CHD2: variants seen among roughly 807,000 people sequenced by gnomAD.
CHD2 encodes the protein chromodomain helicase DNA binding protein 2, also known as ATP-dependent chromatin remodeler CHD2.
CHD2 carries 28 observed loss-of-function variants against 243.9 expected under a neutral mutation model. That is an observed-to-expected ratio of 0.11 (90% CI 0.09 to 0.16). The LOEUF (loss-of-function observed/expected upper bound fraction) is 0.16, where lower values mean the gene tolerates loss of function less well. Ranked by LOEUF, CHD2 falls within the 10% of genes least tolerant of loss-of-function variation. The pLI is 1.00. For synonymous variants in CHD2, 775 were observed against 779.0 expected, an observed-to-expected ratio of 0.99 and a Z score of 0.09; for missense variants, 1,386 against 2,209.8, an observed-to-expected ratio of 0.63 and a Z score of 7.47.
intron 26 of CHD2, among the ~76,000 whole-genome samples, chr15:92,988,309 T>C (rs1355782908): frequency 6.6e-6 from 1 of 152,158 alleles, no homozygotes; most frequent in African/African-American, 2.4e-5. Flanking sequence ...GGTCTTGAAC[T>C]TCTGACCTCA....
At position 93,024,463 on chromosome 15, in the gene CHD2, C is replaced by T. The variant is rs772907727; in HGVS notation, c.5245C>T (p.Pro1749Ser). The T allele has an allele frequency of 5.6e-6, 9 of 1,614,060 alleles. No individual in the cohort carries two copies. Among genetic ancestry groups the T allele is most frequent in the Non-Finnish European group, 7.6e-6 (9 of 1,180,038 alleles). ...QDFRRMSDHR[P>S]AMGYHGQGPS... ...TTTCCGACGAATGTCTGATCACCGC[C>T]CCGCTATGGGCTACCATGGCCAGGG... The change falls in exon 39 of 39, where the codon CCC (proline) becomes TCC (serine). Residue 1749 changes from proline to serine, a missense_variant. Physicochemically the swap from Pro to Ser is moderately conservative, Grantham distance 74 (BLOSUM62 -1). Coordinates refer to ENST00000394196, the MANE Select transcript of CHD2 (RefSeq NM_001271.4).
chr15:92,981,883 A>T (rs899633561), intron 24 of CHD2, among the ~76,000 whole-genome samples: 6 of 152,196 alleles, frequency 3.9e-5, no homozygotes. Context: ...AAGTGAGAGA[A>T]AGAGGTGTCA....
At chr15:92,992,529 G>A (rs927105011) in intron 27 of CHD2, among the ~76,000 whole-genome samples, 2 of 152,148 alleles carry the variant, frequency 1.3e-5, no homozygotes, top group African/African-American at 2.4e-5. Flanking sequence ...AAGCTAGTAC[G>A]GATGGTGTTC....
At position 93,015,081 on chromosome 15, in the gene CHD2, T is replaced by C. The variant is rs533426396; in HGVS notation, c.4906+172T>C. Among the ~76,000 whole-genome samples, 7 of 152,296 alleles carry C rather than the reference T, an allele frequency of 4.6e-5. No individual in the cohort carries two copies. In the South Asian group the frequency reaches 1.2e-3, roughly 27 times the overall value. ...GCATGAAATAAAGATCCCCCAATTT[T>C]TTTTTTTGTTTGTTTGAGACTGAGT... On this transcript the variant is annotated intron_variant, in intron 37 of 38. Transcript: ENST00000394196.
At chr15:92,964,558 G>A (rs1596413121) in intron 16 of CHD2, among the ~76,000 whole-genome samples, 2 of 152,200 alleles carry the variant, frequency 1.3e-5, no homozygotes, top group Non-Finnish European at 2.9e-5. Flanking sequence ...ACAGGCTATT[G>A]TTTCAAAATC....
chr15:93,014,863 A>G lies in CHD2; in HGVS notation c.4860A>G (p.Pro1620=). The G allele has an allele frequency of 6.2e-7, 1 of 1,614,154 alleles. No individual in the cohort carries two copies. Among genetic ancestry groups the G allele is most frequent in the Non-Finnish European group, 8.5e-7 (1 of 1,180,028 alleles). ...ATGGCCCACAGATGCATGGACACCC[A>G]AGAGATAACTACAATCACCCCAACA... ...ASHGPQMHGH[P]RDNYNHPNKR... The change falls in exon 37 of 39, where the codon CCA becomes CCG. Residue 1620 remains proline (P), a synonymous_variant. Coordinates refer to ENST00000394196, the MANE Select transcript of CHD2 (RefSeq NM_001271.4).
Position 92,901,290 on chromosome 15 carries a change from A to G in CHD2, c.53A>G (p.Asn18Ser), listed in dbSNP as rs1034044226. The change falls in exon 2 of 39, where the codon AAT (asparagine) becomes AGT (serine). Residue 18 changes from asparagine to serine, a missense_variant. Around this residue, in one of 19 missense-constraint regions of CHD2, gnomAD observed 89 missense variants for 102.4 expected, o/e 0.87. Coordinates refer to ENST00000394196, the MANE Select transcript of CHD2 (RefSeq NM_001271.4). Reference sequence around the variant, plus strand: ...GAGGAGGACAGTTCGCTACACAGCAATGCATCGAGGTATGAGCTATCAACT... The same window carrying G: ...GAGGAGGACAGTTCGCTACACAGCAGTGCATCGAGGTATGAGCTATCAACT... ...SQEEDSSLHS[N>S]ASSHSASEEA... 4.4e-6 allele frequency: 7 copies of G among 1,603,680 alleles called. No homozygotes were observed. Among genetic ancestry groups the G allele is most frequent in the South Asian group, 2.2e-5 (2 of 90,676 alleles).
Position 92,955,480 on chromosome 15 carries a change from A to G in CHD2, c.1777A>G (p.Ile593Val), listed in dbSNP as rs1488191636. The change falls in exon 15 of 39, where the codon ATA becomes GTA. Residue 593 changes from isoleucine to valine, a missense_variant. Physicochemically the swap from Ile to Val is conservative, Grantham distance 29 (BLOSUM62 3). Around this residue, in one of 19 missense-constraint regions of CHD2, gnomAD observed 63 missense variants for 108.8 expected, o/e 0.58. Coordinates refer to ENST00000394196, the MANE Select transcript of CHD2 (RefSeq NM_001271.4). ...QTKRLKFNAL[I>V]TTYEILLKDK... ...CAAAAGATTGAAGTTCAACGCACTT[A>G]TAACAACATATGAGATCCTCTTGAA... 6.3e-7 allele frequency: 1 copy of G among 1,598,456 alleles called. No homozygotes were observed. The highest frequency in any genetic ancestry group is 1.1e-5 in the South Asian group (1 of 87,844).
intron 2 of CHD2, among the ~76,000 whole-genome samples, chr15:92,902,983 T>C (rs2052551597): frequency 1.3e-5 from 2 of 152,314 alleles, no homozygotes; most frequent in Admixed American, 6.5e-5. Flanking sequence ...TGCTTACTGG[T>C]AGTGGAGGTT....
rs1035745118 is a variant in CHD2, at chr15:92,900,422, G to C, written c.-474G>C. ...CTTTACGCAACTTTCCCTAACTTTCGGGCAGCCTCAGGGGGCCCCCGTAGC... is the reference window on the plus strand; with the variant it reads ...CTTTACGCAACTTTCCCTAACTTTCCGGCAGCCTCAGGGGGCCCCCGTAGC... On this transcript the variant is annotated 5_prime_UTR_variant, in exon 1 of 39. Coordinates refer to ENST00000394196, the MANE Select transcript of CHD2 (RefSeq NM_001271.4). The C allele has an allele frequency of 2.5e-6, 1 of 395,092 alleles. No homozygotes were observed. The highest frequency in any genetic ancestry group is 2.1e-5 in the African/African-American group (1 of 48,498). 24.5% of individuals were successfully genotyped at this position (395,092 alleles called of 1,614,324 possible).
At chr15:92,973,399 G>A (rs547435757) in intron 19 of CHD2, among the ~76,000 whole-genome samples, 1 of 152,076 alleles carries the variant, frequency 6.6e-6, no homozygotes, top group African/African-American at 2.4e-5. Flanking sequence ...CATGTTTATA[G>A]TGCTTTGATT....
chr15:92,905,124 C>A, intron 2 of CHD2: 1 of 840,208 alleles, frequency 1.2e-6, no homozygotes, highest in South Asian at 1.8e-5. Context: ...GTTAGGCAAC[C>A]ATTACTATGT....
At position 92,932,254 on chromosome 15, in the gene CHD2, A is replaced by G. The variant is rs187988260; in HGVS notation, c.443+3163A>G. 1.3e-4 allele frequency among the ~76,000 whole-genome samples: 19 copies of G among 148,286 alleles called. 1 individual carries two copies. The East Asian group carries it at 3.2e-3, about 25-fold the overall frequency. ...TTTTTCCATCTCTACTACAGGATCT[A>G]GTTTAGGGTCAGTTACATACAATTA... On this transcript the variant is annotated intron_variant, in intron 5 of 38. Coordinates refer to ENST00000394196, the MANE Select transcript of CHD2 (RefSeq NM_001271.4).
intron 24 of CHD2, among the ~76,000 whole-genome samples, chr15:92,983,115 C>T (rs183573676): frequency 3.2e-4 from 49 of 152,232 alleles, no homozygotes; most frequent in African/African-American, 1.2e-3. Context: ...ATTATGAGGG[C>T]TCTACCCTCA....
At chr15:92,929,123 T>C (rs759460040) in intron 5 of CHD2, 32 bp downstream of exon 5, 3 of 1,576,674 alleles carry the variant, frequency 1.9e-6, no homozygotes, top group Admixed American at 3.5e-5. Context: ...TTATTCAATC[T>C]AGTAGTTTCA....
At chr15:93,009,009 C>G (rs950169886) in intron 34 of CHD2, 136 bp from the exon 35 acceptor site, 1 of 964,924 alleles carries the variant, frequency 1.0e-6, no homozygotes, top group Admixed American at 2.7e-5. Context: ...CTCCACTGCA[C>G]TAGCTTTACC....
chr15:92,904,508 T>C (rs551917181), intron 2 of CHD2: 1 of 992,846 alleles, frequency 1.0e-6, no homozygotes, highest in African/African-American at 1.7e-5. Context: ...GGAAGGGAAC[T>C]CTAGTTGGGA....
At chr15:93,022,888 C>T (rs2054549819) in intron 38 of CHD2, among the ~76,000 whole-genome samples, 1 of 152,210 alleles carries the variant, frequency 6.6e-6, no homozygotes, top group Non-Finnish European at 1.5e-5. Context: ...TGCCTGATGT[C>T]TGGTGTCTTG....
intron 20 of CHD2, 120 bp from the exon 21 acceptor site, chr15:92,978,114 G>C (rs1023625506): frequency 1.8e-6 from 2 of 1,129,166 alleles, no homozygotes; most frequent in South Asian, 1.3e-5. Context: ...CATAAAGTTT[G>C]TCCATCATAT....
Sources: gnomAD v4.1 joint callset for allele counts (sites outside exome capture counted in the v4.1 genomes callset) on GRCh38, gnomAD v4.1.1 for gene constraint, gnomAD v4.1.1 regional missense constraint, MANE v1.5 for transcripts, NCBI Gene and HGNC (gene_info 2026-07-23, HGNC 2026-07-21) for gene names.